LAMA2: variants seen among roughly 807,000 people sequenced by gnomAD.
LAMA2 encodes laminin subunit alpha-2.
LAMA2 carries 269 observed loss-of-function variants against 364.8 expected under a neutral mutation model. The ratio of observed to expected loss-of-function variants is 0.74; its 90% CI spans 0.67 to 0.82. The LOEUF (loss-of-function observed/expected upper bound fraction) is 0.82. Ranked by LOEUF, LAMA2 falls within the 40% of genes least tolerant of loss-of-function variation. The probability of loss-of-function intolerance (pLI) is 0.00; values close to 1 mark genes in which losing one functional copy is unlikely to be tolerated. For synonymous variants in LAMA2, 1,379 were observed against 1,370.6 expected (o/e 1.01, Z -0.14); for missense variants, 3,807 against 3,873.2 (o/e 0.98, Z 0.45).
chr6:129,381,868 A>T (rs13437419), intron 34 of LAMA2, among the ~76,000 whole-genome samples: 3,428 of 152,278 alleles, frequency 0.023, 128 homozygotes, highest in African/African-American at 0.079. Flanking sequence ...CACTTGCAGG[A>T]TGAGAAGTTA....
At chr6:129,218,887 A>T (rs182371535) in intron 12 of LAMA2, among the ~76,000 whole-genome samples, 1 of 152,314 alleles carries the variant, frequency 6.6e-6, no homozygotes, top group East Asian at 1.9e-4. Context: ...ATTATTTATT[A>T]TTCAATATTT....
At chr6:129,113,146 T>C (rs547028221) in intron 4 of LAMA2, among the ~76,000 whole-genome samples, 5 of 152,070 alleles carry the variant, frequency 3.3e-5, no homozygotes, top group Admixed American at 6.6e-5. Context: ...TCCTGTTTTA[T>C]AATTGTTTTC....
intron 22 of LAMA2, 70 bp downstream of exon 22, chr6:129,300,942 G>T: frequency 7.2e-7 from 1 of 1,381,594 alleles, no homozygotes; most frequent in South Asian, 1.2e-5. Flanking sequence ...TCTGTAATTG[G>T]GCATTTCAAA....
At chr6:129,371,971 T>C (rs1456049907) in intron 34 of LAMA2, among the ~76,000 whole-genome samples, 1 of 152,326 alleles carries the variant, frequency 6.6e-6, no homozygotes, top group South Asian at 2.1e-4. Flanking sequence ...CTTTACCCTT[T>C]CCAGCAGATT....
intron 1 of LAMA2, among the ~76,000 whole-genome samples, chr6:129,005,417 T>A (rs1784387581): frequency 6.6e-6 from 1 of 151,984 alleles, no homozygotes; most frequent in Non-Finnish European, 1.5e-5. Context: ...TTTACTAACA[T>A]TCTCATCAGG....
intron 41 of LAMA2, 36 bp from the exon 42 acceptor site, chr6:129,438,610 A>T (rs1781948141): frequency 9.5e-7 from 1 of 1,053,296 alleles, no homozygotes; most frequent in Non-Finnish European, 1.5e-6. Context: ...GGATGATAAA[A>T]CTTATTTAAT....
intron 35 of LAMA2, 38 bp downstream of exon 35, chr6:129,383,271 C>T (rs1247385174): frequency 7.5e-6 from 11 of 1,472,724 alleles, no homozygotes; most frequent in Non-Finnish European, 1.0e-5. Flanking sequence ...TCATTTCTCC[C>T]AACAGAAAAA....
intron 12 of LAMA2, 97 bp downstream of exon 12, chr6:129,192,950 T>C (rs2038706053): frequency 1.6e-6 from 2 of 1,230,142 alleles, no homozygotes; most frequent in Admixed American, 2.0e-5. Flanking sequence ...CAAAATCAAA[T>C]ACACACTGAA....
chr6:129,158,867 A>G (rs907401977), intron 8 of LAMA2: 41 of 1,613,488 alleles, frequency 2.5e-5, no homozygotes, highest in Non-Finnish European at 4.2e-6. Flanking sequence ...TTCTTCTATG[A>G]TGGCAAAGCA....
At chr6:129,476,884 T>A (rs762874767) in intron 53 of LAMA2, among the ~76,000 whole-genome samples, 1 of 151,390 alleles carries the variant, frequency 6.6e-6, no homozygotes, top group Non-Finnish European at 1.5e-5. Flanking sequence ...CAGAAAGGAG[T>A]GCGGGGGTGG....
Position 129,391,523 on chromosome 6 carries a change from A to T in LAMA2, c.5104A>T (p.Thr1702Ser). Residue 1702 changes from threonine (T) to serine (S), a missense_variant, in exon 36 of 65, where the codon ACT becomes TCT. Around this residue, in one of 3 missense-constraint regions of LAMA2, gnomAD observed 3,333 missense variants for 3,345.7 expected, o/e 1.00. Coordinates refer to ENST00000421865, the MANE Select transcript of LAMA2 (RefSeq NM_000426.4). ...VNEKAIKLNE[T>S]LGTRDEAFER... ...TGAAAAAGCTATAAAACTAAATGAAACTCTAGGAACTCGAGACGAGGCCTT... is the reference window on the plus strand; with the variant it reads ...TGAAAAAGCTATAAAACTAAATGAATCTCTAGGAACTCGAGACGAGGCCTT... 6.2e-7 allele frequency: 1 copy of T among 1,613,878 alleles called. No homozygotes were observed.
intron 1 of LAMA2, among the ~76,000 whole-genome samples, chr6:129,007,781 G>T (rs982994499): frequency 1.3e-5 from 2 of 152,096 alleles, no homozygotes; most frequent in African/African-American, 4.8e-5. Flanking sequence ...GTTATACATT[G>T]AGCATACCTA....
At chr6:129,051,579 T>C (rs1359659570) in intron 2 of LAMA2, among the ~76,000 whole-genome samples, 1 of 149,896 alleles carries the variant, frequency 6.7e-6, no homozygotes, top group Non-Finnish European at 1.5e-5. Context: ...CCAATAGATA[T>C]ATTTTTTGTT....
intron 4 of LAMA2, among the ~76,000 whole-genome samples, chr6:129,121,482 A>G (rs554525597): frequency 1.3e-5 from 2 of 152,206 alleles, no homozygotes; most frequent in South Asian, 2.1e-4. Flanking sequence ...ATCTAGTTGT[A>G]TCTTCTGTGT....
chr6:129,403,620 A>G (rs111793933), intron 39 of LAMA2, among the ~76,000 whole-genome samples: 78 of 152,348 alleles, frequency 5.1e-4, no homozygotes, highest in African/African-American at 1.8e-3. Flanking sequence ...GTAGTATTTC[A>G]TAGCTGAATT....
Position 129,270,770 on chromosome 6 carries a change from C to G in LAMA2, c.2450+19C>G. 1 of 1,611,118 alleles carries G rather than the reference C, an allele frequency of 6.2e-7. No individual in the cohort carries two copies. Among genetic ancestry groups the G allele is most frequent in the South Asian group, 1.1e-5 (1 of 91,014 alleles). On this transcript the variant is annotated intron_variant, in intron 17 of 64. Transcript: ENST00000421865. ...CCAATAAGTAAGTAACAAACTTACCCCATGAATAAGCTCAGCATCCATTTC... is the reference window on the plus strand; with the variant it reads ...CCAATAAGTAAGTAACAAACTTACCGCATGAATAAGCTCAGCATCCATTTC...
At position 129,297,716 on chromosome 6, in the gene LAMA2, G is replaced by T. The variant is rs769611474; in HGVS notation, c.2888G>T (p.Gly963Val). 3.7e-6 allele frequency: 6 copies of T among 1,613,898 alleles called. No individual in the cohort carries two copies. In the Admixed American group the frequency reaches 5.0e-5, roughly 13 times the overall value. Residue 963 changes from glycine (G) to valine (V), a missense_variant, in exon 21 of 65, where the codon GGC becomes GTC. This residue lies in a region of LAMA2 where 3,333 missense variants were observed against 3,345.7 expected (regional missense o/e 1.00). Transcript: ENST00000421865. The stretch of plus-strand genomic sequence containing the variant: ...ACCTTTGGCCTACAATCAGCAAGGG[G>T]CTGTGTTCCCTGCAACTGCAATTCT... The part of the protein sequence containing the change: ...AGTFGLQSAR[G>V]CVPCNCNSFG...
At chr6:129,221,020 G>T (rs1783796712) in intron 12 of LAMA2, among the ~76,000 whole-genome samples, 1 of 151,804 alleles carries the variant, frequency 6.6e-6, no homozygotes, top group African/African-American at 2.4e-5. Context: ...AAATTAGCCG[G>T]GCATGGTGGC....
intron 1 of LAMA2, among the ~76,000 whole-genome samples, chr6:128,977,128 C>T (rs1446820178): frequency 1.5e-4 from 3 of 20,304 alleles, no homozygotes; most frequent in East Asian, 2.0e-3. Context: ...TATCAATTTT[C>T]AGCCTCTCTT....
Sources: gnomAD v4.1 joint callset for allele counts (sites outside exome capture counted in the v4.1 genomes callset) on GRCh38, gnomAD v4.1.1 for gene constraint, gnomAD v4.1.1 regional missense constraint, MANE v1.5 for transcripts, NCBI Gene and HGNC (gene_info 2026-07-23, HGNC 2026-07-21) for gene names.